Variants in JAKMIP3 observed in about 807,000 individuals in gnomAD.
JAKMIP3 encodes Janus kinase and microtubule interacting protein 3, also known as janus kinase and microtubule-interacting protein 3.
In JAKMIP3, 58 loss-of-function variants were observed where a neutral mutation model predicts 118.5. The ratio of observed to expected loss-of-function variants is 0.49; its 90% CI spans 0.40 to 0.61. The LOEUF (loss-of-function observed/expected upper bound fraction) is 0.61, where lower values mean the gene tolerates loss of function less well. Among genes scored for constraint, JAKMIP3 ranks in the 20% least tolerant of loss-of-function variants. The pLI is 0.00. For synonymous variants in JAKMIP3, 486 were observed against 451.2 expected (o/e 1.08, Z -0.98); for missense variants, 950 against 1,109.0 (o/e 0.86, Z 2.04).
rs939814747 is a variant in JAKMIP3, at chr10:132,182,661, C to G, written c.*1408C>G. 11 of 150,200 alleles carry G rather than the reference C, an allele frequency of 7.3e-5. No homozygotes were observed. The highest frequency in any genetic ancestry group is 4.6e-4 in the Admixed American group (7 of 15,186). The allele number at this position is 150,200 out of a possible 1,614,324, so 9.3% of individuals were successfully genotyped here. On this transcript the variant is annotated 3_prime_UTR_variant, in exon 24 of 24. Transcript: ENST00000684848. ...GGCACCTAGAAGTTGAGGCAGCCAGCTGTGCAGCCAGGTGTGACTGTTACT... is the reference window on the plus strand; with the variant it reads ...GGCACCTAGAAGTTGAGGCAGCCAGGTGTGCAGCCAGGTGTGACTGTTACT...
At chr10:132,075,977 C>A (rs9419344) in intron 1 of JAKMIP3, among the ~76,000 whole-genome samples, 117,381 of 152,044 alleles carry the variant, frequency 0.77, 46,638 homozygotes, top group East Asian at 1. Flanking sequence ...ATGTTTACTT[C>A]TCGTTTTTTG....
intron 1 of JAKMIP3, among the ~76,000 whole-genome samples, chr10:132,042,180 CTCGCTCCTTCCT>C (rs943227810): frequency 4.3e-4 from 17 of 39,158 alleles, no homozygotes; most frequent in East Asian, 1.9e-3. Flanking sequence ...CACTTGCTCG[CTCGCTCCTTCCT>C]TCCTTCCTTC....
chr10:132,159,208 TG>T (rs2057488647), intron 19 of JAKMIP3, among the ~76,000 whole-genome samples: 2 of 11,068 alleles, frequency 1.8e-4, no homozygotes, highest in Non-Finnish European at 2.8e-4. Context: ...CCCTGTGTGA[TG>T]CTGTGGGGGC....
In JAKMIP3 at chr10:132,071,853, C is replaced by CCTTTCTTTCTTTCCTTTCTTTCCTTT. The variant is rs2039948649; in HGVS notation, c.-138+5801_-138+5802insTTTCCTTTCTTTCCTTTCTTTCTTTC. 1.1e-3 allele frequency among the ~76,000 whole-genome samples: 121 copies of CCTTTCTTTCTTTCCTTTCTTTCCTTT among 115,004 alleles called. 1 individual carries two copies. The highest frequency in any genetic ancestry group is 4.2e-3 in the Middle Eastern group (1 of 236). 75.4% of individuals were successfully genotyped at this position (115,004 alleles called of 152,430 possible). ...TTTCTTCCCTTTCCTTTCTTTCTTT[C>CCTTTCTTTCTTTCCTTTCTTTCCTTT]CTTTCTTTCCTTTCTTTCTTTCCTT... On this transcript the variant is annotated intron_variant, in intron 1 of 23. Transcript: ENST00000684848.
intron 1 of JAKMIP3, among the ~76,000 whole-genome samples, chr10:132,045,212 C>T (rs1231877543): frequency 6.6e-6 from 1 of 152,178 alleles, no homozygotes. Flanking sequence ...TGATCCCGGC[C>T]ATCCTCACGG....
intron 1 of JAKMIP3, among the ~76,000 whole-genome samples, chr10:132,038,190 T>C (rs1434232250): frequency 6.6e-6 from 1 of 152,202 alleles, no homozygotes; most frequent in Admixed American, 6.5e-5. Context: ...CAATTTCCAA[T>C]GATAGCCACT....
At chr10:132,141,326 C>T (rs1379981133) in intron 10 of JAKMIP3, among the ~76,000 whole-genome samples, 1 of 152,182 alleles carries the variant, frequency 6.6e-6, no homozygotes, top group Non-Finnish European at 1.5e-5. Context: ...CACTCCTAGA[C>T]GTGGCCAACC....
At chr10:132,098,690 A>G (rs9419359) in intron 1 of JAKMIP3, among the ~76,000 whole-genome samples, 92,729 of 151,684 alleles carry the variant, frequency 0.61, 28,575 homozygotes, top group East Asian at 0.71. Flanking sequence ...CAGAGCCCCC[A>G]GCACCTCCAC....
chr10:132,177,791 C>A (rs1041453888), intron 23 of JAKMIP3, among the ~76,000 whole-genome samples: 4 of 112,908 alleles, frequency 3.5e-5, no homozygotes, highest in African/African-American at 1.4e-4. Context: ...GGGTAGTGTG[C>A]GTGTGTGTGC....
At chr10:132,072,826 C>T (rs1004415126) in intron 1 of JAKMIP3, among the ~76,000 whole-genome samples, 6 of 151,886 alleles carry the variant, frequency 4.0e-5, no homozygotes, top group African/African-American at 1.2e-4. Context: ...TGTACAGTGG[C>T]GACGGCTGGG....
At position 132,135,979 on chromosome 10, in the gene JAKMIP3, A is replaced by C; in HGVS notation, c.1019A>C (p.Lys340Thr). 1 of 1,613,636 alleles carries C rather than the reference A, an allele frequency of 6.2e-7. No individual in the cohort carries two copies. The highest frequency in any genetic ancestry group is 8.5e-7 in the Non-Finnish European group (1 of 1,179,792). ...AGTCAGTACAAGCCTCTGCTGGATA[A>C]AAACAAGCGCCTCAGTCGGAAGAAC... ...AESQYKPLLDKNKRLSRKNED... is the reference protein window; with the variant it reads ...AESQYKPLLDTNKRLSRKNED... The change falls in exon 6 of 24, where the codon AAA (lysine) becomes ACA (threonine). Residue 340 changes from lysine (K) to threonine (T), a missense_variant. Transcript: ENST00000684848.
chr10:132,129,034 A>G (rs1416578088), intron 3 of JAKMIP3, among the ~76,000 whole-genome samples: 7 of 152,002 alleles, frequency 4.6e-5, no homozygotes. Flanking sequence ...AATGATTTTC[A>G]TTATATTCTT....
chr10:132,163,136 C>A, intron 19 of JAKMIP3, 73 bp from the exon 20 acceptor site: 1 of 1,407,740 alleles, frequency 7.1e-7, no homozygotes, highest in Non-Finnish European at 9.6e-7. Flanking sequence ...GGTGGCCCGG[C>A]CTCCGTTGCC....
chr10:132,096,037 G>T (rs184210982), intron 1 of JAKMIP3, among the ~76,000 whole-genome samples: 5 of 152,092 alleles, frequency 3.3e-5, no homozygotes, highest in African/African-American at 9.7e-5. Context: ...TGTGGTCTTG[G>T]GGGGGTCTTC....
At chr10:132,048,422 C>A (rs967766909) in intron 1 of JAKMIP3, among the ~76,000 whole-genome samples, 3 of 152,154 alleles carry the variant, frequency 2.0e-5, no homozygotes, top group Admixed American at 1.3e-4. Context: ...GTTCCTTCTC[C>A]CCATTTGTCT....
At chr10:132,172,044 T>C (rs904927506) in intron 23 of JAKMIP3, among the ~76,000 whole-genome samples, 1 of 152,180 alleles carries the variant, frequency 6.6e-6, no homozygotes, top group African/African-American at 2.4e-5. Flanking sequence ...TCCTGGCAAA[T>C]GCTCCTTTCT....
chr10:132,097,272 C>T (rs1031940483), intron 1 of JAKMIP3, among the ~76,000 whole-genome samples: 4 of 152,154 alleles, frequency 2.6e-5, no homozygotes, highest in African/African-American at 9.7e-5. Flanking sequence ...GGGCGAGTGG[C>T]GAAAGATACA....
chr10:132,165,628 G>A (rs1432782151), intron 21 of JAKMIP3, among the ~76,000 whole-genome samples: 2 of 152,184 alleles, frequency 1.3e-5, no homozygotes, highest in East Asian at 3.9e-4. Flanking sequence ...TGCTGGTCCC[G>A]GCCTGAGGAG....
At chr10:132,140,404 T>C (rs760911402) in intron 9 of JAKMIP3, 47 bp from the exon 10 acceptor site, 1 of 1,609,468 alleles carries the variant, frequency 6.2e-7, no homozygotes, top group South Asian at 1.1e-5. Flanking sequence ...AGGAGGCGGC[T>C]GTGCCTGGGT....
Sources: gnomAD v4.1 joint callset for allele counts (sites outside exome capture counted in the v4.1 genomes callset) on GRCh38, gnomAD v4.1.1 for gene constraint, MANE v1.5 for transcripts, NCBI Gene and HGNC (gene_info 2026-07-23, HGNC 2026-07-21) for gene names.